CSMD1: variants seen among roughly 807,000 people sequenced by gnomAD.
The protein encoded by CSMD1 is CUB and Sushi multiple domains 1.
In CSMD1, 213 loss-of-function variants were observed where a neutral mutation model predicts 417.5. The ratio of observed to expected loss-of-function variants is 0.51; its 90% CI spans 0.46 to 0.57. The LOEUF (loss-of-function observed/expected upper bound fraction) is 0.57. Among genes scored for constraint, CSMD1 ranks in the 20% least tolerant of loss-of-function variants. The probability of loss-of-function intolerance (pLI) is 0.00; values close to 1 mark genes in which losing one functional copy is unlikely to be tolerated. For synonymous variants in CSMD1, 2,862 were observed against 1,736.8 expected (o/e 1.65, Z -16.11); for missense variants, 6,923 against 4,529.7 (o/e 1.53, Z -15.17).
intron 3 of CSMD1, among the ~76,000 whole-genome samples, chr8:4,354,246 C>A (rs1269783558): frequency 6.6e-6 from 1 of 152,152 alleles, no homozygotes; most frequent in East Asian, 1.9e-4. Flanking sequence ...TTACCAACAA[C>A]ATTGTAGATC....
At chr8:4,014,591 C>G (rs1466674171) in intron 4 of CSMD1, among the ~76,000 whole-genome samples, 1 of 152,178 alleles carries the variant, frequency 6.6e-6, no homozygotes, top group Non-Finnish European at 1.5e-5. Context: ...ATCTTTATCA[C>G]TCCTGTGAGA....
chr8:3,771,395 G>A (rs573145392), intron 5 of CSMD1, among the ~76,000 whole-genome samples: 1 of 152,178 alleles, frequency 6.6e-6, no homozygotes, highest in South Asian at 2.1e-4. Context: ...AGTTTACAAA[G>A]GAGAGATTTC....
chr8:4,410,962 T>C (rs776340239), intron 3 of CSMD1, among the ~76,000 whole-genome samples: 2 of 152,186 alleles, frequency 1.3e-5, no homozygotes, highest in Non-Finnish European at 2.9e-5. Flanking sequence ...AGGTTAGTTA[T>C]TGAAACAGTG....
At chr8:3,621,036 G>C (rs186921551) in intron 7 of CSMD1, among the ~76,000 whole-genome samples, 222 of 152,200 alleles carry the variant, frequency 1.5e-3, no homozygotes, top group African/African-American at 5.1e-3. Flanking sequence ...AGAAGGGTAA[G>C]TTAGCAGAAG....
chr8:3,792,077 T>C (rs1177907633), intron 5 of CSMD1, among the ~76,000 whole-genome samples: 1 of 152,166 alleles, frequency 6.6e-6, no homozygotes, highest in Non-Finnish European at 1.5e-5. Context: ...TATGTTTTCC[T>C]CCTTCAAGAA....
intron 5 of CSMD1, among the ~76,000 whole-genome samples, chr8:3,987,938 A>G (rs764224726): frequency 6.6e-6 from 1 of 152,218 alleles, no homozygotes; most frequent in Non-Finnish European, 1.5e-5. Flanking sequence ...CTCACATCAA[A>G]GGACTGAGAA....
intron 3 of CSMD1, among the ~76,000 whole-genome samples, chr8:4,408,946 G>A (rs1034311863): frequency 1.3e-5 from 2 of 152,168 alleles, no homozygotes; most frequent in Non-Finnish European, 2.9e-5. Context: ...TTTACATGTT[G>A]CATTCAAATT....
chr8:3,866,730 G>C (rs1805130649), intron 5 of CSMD1, among the ~76,000 whole-genome samples: 1 of 152,016 alleles, frequency 6.6e-6, no homozygotes, highest in Non-Finnish European at 1.5e-5. Flanking sequence ...CCACTACAAA[G>C]CCACAGGGAT....
At chr8:3,580,156 C>A (rs926263671) in intron 9 of CSMD1, among the ~76,000 whole-genome samples, 1 of 152,058 alleles carries the variant, frequency 6.6e-6, no homozygotes, top group African/African-American at 2.4e-5. Flanking sequence ...CAGTGCTCAT[C>A]ATGAGTTGAA....
chr8:4,714,109 C>T (rs924134449), intron 1 of CSMD1, among the ~76,000 whole-genome samples: 1 of 151,972 alleles, frequency 6.6e-6, no homozygotes, highest in African/African-American at 2.4e-5. Flanking sequence ...CATGCCATTG[C>T]ACTCCAGTCT....
chr8:3,317,469 C>G (rs780649206), intron 23 of CSMD1, among the ~76,000 whole-genome samples: 4 of 152,102 alleles, frequency 2.6e-5, no homozygotes, highest in Non-Finnish European at 5.9e-5. Flanking sequence ...GTTCTGGTGC[C>G]TGTTTTCTAT....
intron 7 of CSMD1, among the ~76,000 whole-genome samples, chr8:3,617,152 G>A (rs1017411102): frequency 6.6e-6 from 1 of 152,130 alleles, no homozygotes; most frequent in East Asian, 1.9e-4. Flanking sequence ...TACACTTAGA[G>A]AGAAGAAAGT....
intron 5 of CSMD1, among the ~76,000 whole-genome samples, chr8:3,935,173 C>T (rs898885454): frequency 3.3e-5 from 5 of 152,134 alleles, no homozygotes; most frequent in African/African-American, 1.2e-4. Flanking sequence ...GGCCACGACT[C>T]GTCTCCAAGA....
chr8:3,659,343 C>T (rs1218392058), intron 7 of CSMD1, among the ~76,000 whole-genome samples: 1 of 152,168 alleles, frequency 6.6e-6, no homozygotes. Context: ...TTTCATTTTG[C>T]ACTTGCCAAT....
At chr8:3,275,531 C>T (rs919536168) in intron 26 of CSMD1, among the ~76,000 whole-genome samples, 6 of 152,220 alleles carry the variant, frequency 3.9e-5, no homozygotes, top group African/African-American at 1.4e-4. Flanking sequence ...TGTTTTCCTA[C>T]TTGGTTCCAT....
chr8:3,788,786 A>G (rs147146725), intron 5 of CSMD1, among the ~76,000 whole-genome samples: 1 of 152,336 alleles, frequency 6.6e-6, no homozygotes, highest in Non-Finnish European at 1.5e-5. Flanking sequence ...AAGAGAGTGC[A>G]AAATCAATAC....
intron 51 of CSMD1, among the ~76,000 whole-genome samples, chr8:3,018,924 G>C (rs1276218089): frequency 1.3e-5 from 2 of 151,900 alleles, no homozygotes; most frequent in Non-Finnish European, 2.9e-5. Context: ...ATTAACTTTT[G>C]TTGTTGTTGT....
intron 21 of CSMD1, among the ~76,000 whole-genome samples, chr8:3,351,148 T>C (rs937664022): frequency 3.3e-5 from 5 of 152,232 alleles, no homozygotes; most frequent in Admixed American, 6.5e-5. Context: ...GAATATGTAA[T>C]AATAGCTCAT....
At chr8:4,185,524 G>T (rs1325812715) in intron 3 of CSMD1, among the ~76,000 whole-genome samples, 1 of 151,942 alleles carries the variant, frequency 6.6e-6, no homozygotes, top group African/African-American at 2.4e-5. Context: ...TAATACAAGT[G>T]GGCATAAAGA....
Sources: gnomAD v4.1 joint callset for allele counts (sites outside exome capture counted in the v4.1 genomes callset) on GRCh38, gnomAD v4.1.1 for gene constraint, MANE v1.5 for transcripts, NCBI Gene and HGNC (gene_info 2026-07-23, HGNC 2026-07-21) for gene names.